Variants in DCDC1 observed in about 807,000 individuals in gnomAD.
DCDC1 encodes the protein doublecortin domain containing 1, also known as doublecortin domain-containing protein 1.
DCDC1 carries 200 observed loss-of-function variants against 178.3 expected under a neutral mutation model. The ratio of observed to expected loss-of-function variants is 1.12; its 90% CI spans 1.00 to 1.26. DCDC1 has a LOEUF of 1.26. Among genes scored for constraint, DCDC1 ranks in the 50% most tolerant of loss-of-function variants. The pLI is 0.00. For synonymous variants in DCDC1, 690 were observed against 604.8 expected (o/e 1.14, Z -2.07); for missense variants, 1,983 against 1,749.2 (o/e 1.13, Z -2.38).
chr11:31,224,310 T>C (rs181462519), intron 9 of DCDC1, among the ~76,000 whole-genome samples: 2 of 152,092 alleles, frequency 1.3e-5, no homozygotes, highest in Non-Finnish European at 2.9e-5. Flanking sequence ...GCAAGCCACA[T>C]GTAGAAGAGT....
intron 8 of DCDC1, among the ~76,000 whole-genome samples, chr11:31,249,050 G>T (rs1009041835): frequency 6.6e-6 from 1 of 151,996 alleles, no homozygotes; most frequent in Admixed American, 6.6e-5. Flanking sequence ...GAGTTCTAAG[G>T]CTGAAAAATA....
rs564774067 is a variant in DCDC1, at chr11:31,108,321, C to T, written c.1588-1361G>A. ...CTCTCCTCTTTAGGTGTATAAGAGG[C>T]AAAGGTGTTAGAATAGTAAAAATCT... is the stretch of plus-strand genomic sequence containing the variant. On this transcript the variant is annotated intron_variant, in intron 12 of 38. Coordinates refer to ENST00000684477, the MANE Select transcript of DCDC1 (RefSeq NM_001387274.1). 9.2e-5 allele frequency among the ~76,000 whole-genome samples: 14 copies of T among 152,176 alleles called. No individual in the cohort carries two copies. The East Asian group carries it at 2.3e-3, about 25-fold the overall frequency.
At chr11:30,939,696 C>T (rs1343152647) in intron 21 of DCDC1, among the ~76,000 whole-genome samples, 1 of 152,184 alleles carries the variant, frequency 6.6e-6, no homozygotes, top group Non-Finnish European at 1.5e-5. Flanking sequence ...CCCACCTCTA[C>T]ATTTTGTTTG....
chr11:31,335,194 G>A (rs117275248), intron 2 of DCDC1, among the ~76,000 whole-genome samples: 137 of 152,316 alleles, frequency 9.0e-4, no homozygotes, highest in East Asian at 6.8e-3. Flanking sequence ...CCGTGGGCAT[G>A]GGACCCACTG....
chr11:31,006,156 A>G (rs1951835409), intron 20 of DCDC1, among the ~76,000 whole-genome samples: 1 of 151,990 alleles, frequency 6.6e-6, no homozygotes, highest in African/African-American at 2.4e-5. Context: ...CTTCTCCTTG[A>G]TGTTTCTATA....
At chr11:31,360,528 G>A (rs1360728392) in intron 1 of DCDC1, among the ~76,000 whole-genome samples, 1 of 152,086 alleles carries the variant, frequency 6.6e-6, no homozygotes, top group African/African-American at 2.4e-5. Context: ...GAGATTAACA[G>A]CAAATAACTA....
At chr11:31,204,557 T>G (rs1971662144) in intron 9 of DCDC1, among the ~76,000 whole-genome samples, 1 of 152,160 alleles carries the variant, frequency 6.6e-6, no homozygotes, top group Non-Finnish European at 1.5e-5. Context: ...AGCCGGGGGC[T>G]CATGCCTGTA....
intron 20 of DCDC1, among the ~76,000 whole-genome samples, chr11:30,978,775 C>T (rs973772943): frequency 7.0e-6 from 1 of 143,596 alleles, no homozygotes; most frequent in Admixed American, 7.3e-5. Context: ...CCCAGTCCCC[C>T]CTCAACACAC....
At chr11:31,288,913 C>T (rs935244649) in intron 7 of DCDC1, among the ~76,000 whole-genome samples, 2 of 151,786 alleles carry the variant, frequency 1.3e-5, no homozygotes, top group Admixed American at 1.3e-4. Flanking sequence ...CATTTTGTTG[C>T]CTCTTCTCCT....
intron 7 of DCDC1, among the ~76,000 whole-genome samples, chr11:31,268,571 T>C (rs905256100): frequency 4.6e-5 from 7 of 152,350 alleles, no homozygotes; most frequent in African/African-American, 1.7e-4. Flanking sequence ...TTTTTATGGC[T>C]GCATAGTATT....
Position 31,094,225 on chromosome 11 carries a change from TAA to T in DCDC1, c.1984-43_1984-42del, listed in dbSNP as rs764862290. 3.7e-5 allele frequency: 28 copies of T among 760,842 alleles called. No homozygotes were observed. In the African/African-American group the frequency reaches 4.1e-4, roughly 11 times the overall value. The allele number at this position is 760,842 out of a possible 1,614,324, so 47.1% of individuals were successfully genotyped here. ...AAGTATGCATTTTTAACTCATAGTC[TAA>T]GAGTTAAACTCCTCAACACACTTAC... On this transcript the variant is annotated intron_variant, in intron 15 of 38. Coordinates refer to ENST00000684477, the MANE Select transcript of DCDC1 (RefSeq NM_001387274.1).
Position 31,307,676 on chromosome 11 carries a change from T to C in DCDC1, c.397A>G (p.Arg133Gly). ...NNSCSISASK[R>G]NRPVSAPVGQ... Reference sequence around the variant, plus strand: ...ACTGGAGCACTGACAGGTCTGTTTCTCTTGGATGCTGATATAGAACAAGAA... The same window carrying C: ...ACTGGAGCACTGACAGGTCTGTTTCCCTTGGATGCTGATATAGAACAAGAA... The change falls in exon 4 of 39, where the codon AGA becomes GGA. Residue 133 changes from arginine to glycine, a missense_variant. Coordinates refer to ENST00000684477, the MANE Select transcript of DCDC1 (RefSeq NM_001387274.1). 6.2e-7 allele frequency: 1 copy of C among 1,614,104 alleles called. No individual in the cohort carries two copies. The highest frequency in any genetic ancestry group is 1.1e-5 in the South Asian group (1 of 91,084).
chr11:31,069,212 GAAATTGAAA>G (rs1218852255), intron 18 of DCDC1, among the ~76,000 whole-genome samples: 1 of 152,040 alleles, frequency 6.6e-6, no homozygotes, highest in Non-Finnish European at 1.5e-5. Context: ...ATACTTTAAA[GAAATTGAAA>G]ATAGTGATAT....
chr11:30,885,632 A>G (rs1943097563), intron 36 of DCDC1, among the ~76,000 whole-genome samples: 1 of 152,234 alleles, frequency 6.6e-6, no homozygotes, highest in South Asian at 2.1e-4. Context: ...TGGGTATAAC[A>G]TTTTTCTTCT....
At chr11:31,120,560 C>T (rs1314012666) in intron 11 of DCDC1, among the ~76,000 whole-genome samples, 2 of 152,290 alleles carry the variant, frequency 1.3e-5, no homozygotes, top group East Asian at 3.9e-4. Context: ...GAGCTCCCCA[C>T]CCCAAGCTGG....
In DCDC1 at chr11:31,314,709, A is replaced by C. The variant is rs556499742; in HGVS notation, c.165-6801T>G. ...TATGATCGCTATCATTTAAGAGTTT[A>C]TCTGATTAGGTCAGGCACACCCAGA... On this transcript the variant is annotated intron_variant, in intron 3 of 38. Coordinates refer to ENST00000684477, the MANE Select transcript of DCDC1 (RefSeq NM_001387274.1). 7.3e-5 allele frequency among the ~76,000 whole-genome samples: 11 copies of C among 151,250 alleles called. 1 individual carries two copies. In the South Asian group the frequency reaches 2.3e-3, roughly 31 times the overall value.
At position 30,996,895 on chromosome 11, in the gene DCDC1, T is replaced by C. The variant is rs1293250949; in HGVS notation, c.2592-44327A>G. ...GTTCGCATAAAAACGTACATGAACA[T>C]GTATAGCAGCGTTCATCATCACCAA... is the stretch of plus-strand genomic sequence containing the variant. On this transcript the variant is annotated intron_variant, in intron 20 of 38. Coordinates refer to ENST00000684477, the MANE Select transcript of DCDC1 (RefSeq NM_001387274.1). Among the ~76,000 whole-genome samples, 3 of 152,212 alleles carry C rather than the reference T, an allele frequency of 2.0e-5. No homozygotes were observed. The East Asian group carries it at 5.8e-4, about 29-fold the overall frequency.
intron 9 of DCDC1, among the ~76,000 whole-genome samples, chr11:31,205,711 A>T (rs1484672654): frequency 6.6e-6 from 1 of 152,208 alleles, no homozygotes; most frequent in East Asian, 1.9e-4. Context: ...TAGCCCTCTT[A>T]GCCTTAGCAA....
At chr11:31,346,324 C>A (rs956876923) in intron 1 of DCDC1, among the ~76,000 whole-genome samples, 3 of 151,832 alleles carry the variant, frequency 2.0e-5, no homozygotes, top group African/African-American at 7.3e-5. Flanking sequence ...ATTAGCCCGG[C>A]ATGGTGGCAC....
Sources: gnomAD v4.1 joint callset for allele counts (sites outside exome capture counted in the v4.1 genomes callset) on GRCh38, gnomAD v4.1.1 for gene constraint, MANE v1.5 for transcripts, NCBI Gene and HGNC (gene_info 2026-07-23, HGNC 2026-07-21) for gene names.